LANCL1: variants seen among roughly 807,000 people sequenced by gnomAD.
The protein encoded by LANCL1 is LanC like glutathione S-transferase 1, also known as glutathione S-transferase LANCL1.
A neutral mutation model predicts 50.6 loss-of-function variants in LANCL1; 50 were observed. The observed-to-expected ratio is 0.99, with a 90% CI of 0.79 to 1.25. The LOEUF (loss-of-function observed/expected upper bound fraction) is 1.25. Among genes scored for constraint, LANCL1 ranks in the 50% most tolerant of loss-of-function variants. The pLI is 0.00. For synonymous variants in LANCL1, 188 were observed against 178.6 expected (o/e 1.05, Z -0.42); for missense variants, 532 against 480.7 (o/e 1.11, Z -1.00).
At chr2:210,471,937 G>A in intron 3 of LANCL1, 22 bp downstream of exon 3, 1 of 1,510,080 alleles carries the variant, frequency 6.6e-7, no homozygotes, top group Non-Finnish European at 9.2e-7. Flanking sequence ...GCTTATGCCA[G>A]CTCACAGTCA....
At chr2:210,461,935 T>G (rs1364256948) in intron 3 of LANCL1, among the ~76,000 whole-genome samples, 1 of 152,252 alleles carries the variant, frequency 6.6e-6, no homozygotes, top group Non-Finnish European at 1.5e-5. Flanking sequence ...GGAATCTTTT[T>G]GATTAAATGT....
At chr2:210,437,946 G>GA in intron 6 of LANCL1, 74 bp from the exon 7 acceptor site, 1 of 1,083,972 alleles carries the variant, frequency 9.2e-7, no homozygotes, top group Non-Finnish European at 1.3e-6. Context: ...ATTTAAACCA[G>GA]AAAAAAAGCA....
chr2:210,467,847 T>G (rs1694115691), intron 3 of LANCL1, among the ~76,000 whole-genome samples: 1 of 152,170 alleles, frequency 6.6e-6, no homozygotes, highest in Non-Finnish European at 1.5e-5. Context: ...AATGAGGTAT[T>G]AAGAAGTTGG....
At chr2:210,440,507 A>G in intron 6 of LANCL1, 91 bp downstream of exon 6, 1 of 1,261,486 alleles carries the variant, frequency 7.9e-7, no homozygotes, top group South Asian at 1.5e-5. Flanking sequence ...TGACAGAATG[A>G]CAAACTAGAA....
At position 210,444,411 on chromosome 2, in the gene LANCL1, T is replaced by TA. The variant is rs1417572503; in HGVS notation, c.408-2969dup. ...TAAAATGAAGAGGATAGGTTTTAAA[T>TA]AAGCAGAATGAGATGATTTTAGTGA... is the stretch of plus-strand genomic sequence containing the variant. On this transcript the variant is annotated intron_variant, in intron 4 of 9. Transcript: ENST00000450366. 3.3e-5 allele frequency among the ~76,000 whole-genome samples: 5 copies of TA among 152,166 alleles called. No individual in the cohort carries two copies. The East Asian group carries it at 9.6e-4, about 29-fold the overall frequency.
chr2:210,451,684 G>A (rs143651769), intron 4 of LANCL1, among the ~76,000 whole-genome samples: 117 of 152,178 alleles, frequency 7.7e-4, no homozygotes, highest in African/African-American at 2.6e-3. Context: ...CACACAGTAG[G>A]GAGTGCAGCT....
rs1014292281 is a variant in LANCL1, at chr2:210,433,888, T to A, written c.*599A>T. 1 of 152,224 alleles carries A rather than the reference T, an allele frequency of 6.6e-6. No homozygotes were observed. The highest frequency in any genetic ancestry group is 2.4e-5 in the African/African-American group (1 of 41,458). The allele number at this position is 152,224 out of a possible 1,614,324, so 9.4% of individuals were successfully genotyped here. On this transcript the variant is annotated 3_prime_UTR_variant, in exon 10 of 10. Transcript: ENST00000450366. ...ACAAAAACAGGCCAATCTGAAAGTA[T>A]GTTTACCTCTAGTCCAAATAGGCAT...
Position 210,432,521 on chromosome 2 carries a change from C to T in LANCL1, c.*1966G>A, listed in dbSNP as rs1382819500. 1.3e-5 allele frequency: 2 copies of T among 152,150 alleles called. No homozygotes were observed. Among genetic ancestry groups the T allele is most frequent in the Non-Finnish European group, 2.9e-5 (2 of 68,036 alleles). 9.4% of individuals were successfully genotyped at this position (152,150 alleles called of 1,614,324 possible). ...GAATCTTATTTGAAATGTTCTTCTC[C>T]CTGCCTTGAAATCTTCCTGGGGTTA... On this transcript the variant is annotated 3_prime_UTR_variant, in exon 10 of 10. Coordinates refer to ENST00000450366, the MANE Select transcript of LANCL1 (RefSeq NM_006055.3).
At position 210,441,197 on chromosome 2, in the gene LANCL1, C is replaced by A. The variant is rs567321709; in HGVS notation, c.543+111G>T. On this transcript the variant is annotated intron_variant, in intron 5 of 9. Coordinates refer to ENST00000450366, the MANE Select transcript of LANCL1 (RefSeq NM_006055.3). ...TGCCCAACCTTTAGAGGTCCAGATA[C>A]ACCTTCCTTTATATGGAATGTGCTA... is the stretch of plus-strand genomic sequence containing the variant. The A allele has an allele frequency of 3.3e-4, 362 of 1,099,678 alleles. 2 individuals are homozygous for A. In the African/African-American group the frequency reaches 5.2e-3, roughly 16 times the overall value. 68.1% of individuals were successfully genotyped at this position (1,099,678 alleles called of 1,614,324 possible).
At chr2:210,449,602 C>A (rs1475617389) in intron 4 of LANCL1, among the ~76,000 whole-genome samples, 1 of 152,168 alleles carries the variant, frequency 6.6e-6, no homozygotes, top group East Asian at 1.9e-4. Context: ...ATTTAGAAAA[C>A]CCCTTCATCT....
intron 4 of LANCL1, among the ~76,000 whole-genome samples, chr2:210,448,073 C>T (rs1435765019): frequency 6.6e-6 from 1 of 152,206 alleles, no homozygotes; most frequent in Non-Finnish European, 1.5e-5. Context: ...CACCACATCA[C>T]ACTTATTCTA....
intron 3 of LANCL1, among the ~76,000 whole-genome samples, chr2:210,458,536 A>G (rs1025898430): frequency 1.3e-5 from 2 of 152,224 alleles, no homozygotes; most frequent in African/African-American, 2.4e-5. Flanking sequence ...CAGGAGTAGG[A>G]GCGAGACACA....
Position 210,435,472 on chromosome 2 carries a change from C to T in LANCL1, c.1051-13G>A, listed in dbSNP as rs1387637068. The T allele has an allele frequency of 1.2e-6, 2 of 1,608,010 alleles. No homozygotes were observed. The highest frequency in any genetic ancestry group is 1.7e-6 in the Non-Finnish European group (2 of 1,174,900). The stretch of plus-strand genomic sequence containing the variant: ...ACCATTCAGCAAACTGAAAATGAGA[C>T]CAAGTTAAATTAGTATAGTGATTTC... On this transcript the variant is annotated splice_polypyrimidine_tract_variant and intron_variant, in intron 8 of 9. Transcript: ENST00000450366.
intron 6 of LANCL1, among the ~76,000 whole-genome samples, chr2:210,438,597 A>T (rs534451158): frequency 6.6e-6 from 1 of 152,340 alleles, no homozygotes; most frequent in South Asian, 2.1e-4. Context: ...CAAACCAAGC[A>T]TGACTTTCGT....
chr2:210,459,144 C>A (rs1411770360), intron 3 of LANCL1, among the ~76,000 whole-genome samples: 2 of 152,028 alleles, frequency 1.3e-5, no homozygotes, highest in Non-Finnish European at 1.5e-5. Context: ...TTGTAAAAAT[C>A]TGCTCTAAAC....
intron 2 of LANCL1, 78 bp from the exon 3 acceptor site, chr2:210,472,154 A>G (rs1694246284): frequency 6.3e-6 from 6 of 948,196 alleles, no homozygotes; most frequent in Admixed American, 5.3e-5. Context: ...CAAAGACAGA[A>G]AGGTATTTCT....
intron 3 of LANCL1, 37 bp downstream of exon 3, chr2:210,471,922 A>G (rs1203213977): frequency 7.1e-7 from 1 of 1,416,192 alleles, no homozygotes; most frequent in Non-Finnish European, 1.0e-6. Flanking sequence ...GCTCTTAAGC[A>G]CAATGCTTAT....
intron 4 of LANCL1, among the ~76,000 whole-genome samples, chr2:210,445,184 T>C (rs1221982806): frequency 1.3e-5 from 2 of 152,096 alleles, no homozygotes; most frequent in Non-Finnish European, 2.9e-5. Context: ...TTTAAACACA[T>C]ACTGTTCTAT....
At chr2:210,444,772 C>T (rs1693258761) in intron 4 of LANCL1, among the ~76,000 whole-genome samples, 1 of 152,016 alleles carries the variant, frequency 6.6e-6, no homozygotes, top group African/African-American at 2.4e-5. Flanking sequence ...TTCTTGTATA[C>T]TTTGACCTTT....
Sources: allele counts gnomAD v4.1 joint callset (sites outside exome capture counted in the v4.1 genomes callset), GRCh38; gene constraint gnomAD v4.1.1; transcripts MANE v1.5; gene names NCBI Gene and HGNC (gene_info 2026-07-23, HGNC 2026-07-21).